Variants in MRTFA observed in about 807,000 individuals in gnomAD.
The protein encoded by MRTFA is myocardin-related transcription factor A.
MRTFA carries 20 observed loss-of-function variants against 83.5 expected under a neutral mutation model. The ratio of observed to expected loss-of-function variants is 0.24; its 90% confidence interval spans 0.17 to 0.35. The LOEUF (loss-of-function observed/expected upper bound fraction) is 0.35. MRTFA is among the 10% of genes least tolerant of loss of function. MRTFA has a pLI of 1.00. For synonymous variants in MRTFA, 659 were observed against 541.2 expected (o/e 1.22, Z -3.02); for missense variants, 1,200 against 1,224.7 (o/e 0.98, Z 0.30).
rs543904613 is a variant in MRTFA, at chr22:40,419,081, C to G, written c.1657G>C (p.Val553Leu). 2.5e-6 allele frequency: 4 copies of G among 1,605,216 alleles called. No individual in the cohort carries two copies. The African/African-American group carries it at 5.4e-5, about 22-fold the overall frequency. ...GAGCGCTCCGAGGGGGTGGGAGACA[C>G]GGGGGGCGTGGAGCCCGTGCTGCCA... Residue 553 changes from valine to leucine, a missense_variant, in exon 12 of 15, where the codon GTG becomes CTG. Transcript: ENST00000355630.
intron 3 of MRTFA, among the ~76,000 whole-genome samples, chr22:40,530,147 G>A (rs1405389415): frequency 1.3e-5 from 2 of 152,112 alleles, no homozygotes; most frequent in African/African-American, 2.4e-5. Flanking sequence ...ACACCTTAGG[G>A]CCTGTCTAGT....
Position 40,582,320 on chromosome 22 carries a change from T to C in MRTFA, c.-22+12354A>G, listed in dbSNP as rs57513512. On this transcript the variant is annotated intron_variant, in intron 2 of 14. Coordinates refer to ENST00000355630, the MANE Select transcript of MRTFA (RefSeq NM_020831.6). ...ACATTTTATTTATCCACTCATCAGC[T>C]GATGGGCATTTGGACTATTCCATGT... is the stretch of plus-strand genomic sequence containing the variant. Among the ~76,000 whole-genome samples the C allele has an allele frequency of 5.8e-3, 887 of 152,386 alleles. 9 individuals are homozygous for C. The highest frequency in any genetic ancestry group is 0.021 in the African/African-American group (863 of 41,600).
intron 4 of MRTFA, among the ~76,000 whole-genome samples, chr22:40,438,572 C>G (rs2053214800): frequency 6.6e-6 from 1 of 152,216 alleles, no homozygotes; most frequent in Admixed American, 6.5e-5. Context: ...GAAATGGCTA[C>G]AGCATACATA....
At chr22:40,575,309 GAATTT>G (rs922891676) in intron 2 of MRTFA, among the ~76,000 whole-genome samples, 8 of 150,042 alleles carry the variant, frequency 5.3e-5, no homozygotes, top group African/African-American at 1.2e-4. Context: ...AATATTTGTA[GAATTT>G]AATTAGTACC....
intron 1 of MRTFA, among the ~76,000 whole-genome samples, chr22:40,618,250 A>AT (rs1011885827): frequency 0.14 from 14,248 of 103,998 alleles, 849 homozygotes; most frequent in East Asian, 0.29. Flanking sequence ...AATTTTTTGT[A>AT]TTTTTTTTTT....
At chr22:40,517,974 G>A (rs998678170) in intron 3 of MRTFA, among the ~76,000 whole-genome samples, 6 of 152,098 alleles carry the variant, frequency 3.9e-5, no homozygotes, top group African/African-American at 1.4e-4. Context: ...AACCAAAAAG[G>A]ACAGGGTTTG....
At chr22:40,574,442 T>A (rs1569335582) in intron 2 of MRTFA, among the ~76,000 whole-genome samples, 2 of 149,240 alleles carry the variant, frequency 1.3e-5, no homozygotes, top group Non-Finnish European at 3.0e-5. Context: ...TTATTATTAT[T>A]TTTTTTTTTT....
chr22:40,614,440 T>C (rs2056425977), intron 1 of MRTFA, among the ~76,000 whole-genome samples: 2 of 151,846 alleles, frequency 1.3e-5, no homozygotes, highest in South Asian at 4.1e-4. Flanking sequence ...TATATTTCCC[T>C]TGCAATTATG....
chr22:40,469,904 C>T (rs1259046656), intron 3 of MRTFA, among the ~76,000 whole-genome samples: 2 of 151,806 alleles, frequency 1.3e-5, no homozygotes, highest in Non-Finnish European at 2.9e-5. Flanking sequence ...ATAGCAAGAC[C>T]CCCATCTCTA....
At chr22:40,465,904 A>C (rs1569281260) in intron 3 of MRTFA, among the ~76,000 whole-genome samples, 1 of 151,990 alleles carries the variant, frequency 6.6e-6, no homozygotes, top group Non-Finnish European at 1.5e-5. Flanking sequence ...CGAGAAGCAA[A>C]GTGAGGCCCA....
intron 1 of MRTFA, among the ~76,000 whole-genome samples, chr22:40,598,767 C>T (rs2056221896): frequency 6.7e-6 from 1 of 150,154 alleles, no homozygotes; most frequent in African/African-American, 2.5e-5. Flanking sequence ...CTGAGGAGGG[C>T]GAATTACCTG....
At chr22:40,609,125 T>C (rs1269676865) in intron 1 of MRTFA, among the ~76,000 whole-genome samples, 2 of 151,942 alleles carry the variant, frequency 1.3e-5, no homozygotes, top group African/African-American at 2.4e-5. Context: ...ACCCCATTTC[T>C]ACTAAAATAC....
intron 2 of MRTFA, among the ~76,000 whole-genome samples, chr22:40,558,209 A>G (rs1356045195): frequency 6.9e-6 from 1 of 144,358 alleles, no homozygotes; most frequent in Non-Finnish European, 1.5e-5. Context: ...CATCAGTCCC[A>G]CAAGTAGCTA....
At chr22:40,627,168 A>G (rs1490272018) in intron 1 of MRTFA, among the ~76,000 whole-genome samples, 3 of 152,036 alleles carry the variant, frequency 2.0e-5, no homozygotes, top group Non-Finnish European at 4.4e-5. Context: ...TTTGTTTCTG[A>G]GACAGTCTCA....
intron 3 of MRTFA, among the ~76,000 whole-genome samples, chr22:40,549,809 T>TG (rs1569323567): frequency 1.3e-5 from 2 of 152,150 alleles, no homozygotes; most frequent in Non-Finnish European, 2.9e-5. Context: ...CCCAGCACTT[T>TG]GGGGGGCCAA....
In MRTFA at chr22:40,413,506, A is replaced by C. The variant is rs1274487936; in HGVS notation, c.2579-1599T>G. ...GCCACCATGCCTGGCTAATTTTTTC[A>C]CCATGTTGGTCAGGCTGGTCTCGAA... On this transcript the variant is annotated intron_variant, in intron 14 of 14. Coordinates refer to ENST00000355630, the MANE Select transcript of MRTFA (RefSeq NM_020831.6). Among the ~76,000 whole-genome samples, 3 of 151,830 alleles carry C rather than the reference A, an allele frequency of 2.0e-5. No homozygotes were observed. In the South Asian group the frequency reaches 6.3e-4, roughly 32 times the overall value.
In MRTFA at chr22:40,533,445, A is replaced by C. The variant is rs1602395117; in HGVS notation, c.241+18661T>G. 2.1e-5 allele frequency: 9 copies of C among 422,510 alleles called. No homozygotes were observed. The East Asian group carries it at 3.2e-4, about 15-fold the overall frequency. The allele number at this position is 422,510 out of a possible 1,614,324, so 26.2% of individuals were successfully genotyped here. On this transcript the variant is annotated intron_variant, in intron 3 of 14. Coordinates refer to ENST00000355630, the MANE Select transcript of MRTFA (RefSeq NM_020831.6). ...TGCAATGAGAGAAAAATTAATAAAA[A>C]ACTGAAAATGCAGTACATTTCTTCC... is the stretch of plus-strand genomic sequence containing the variant.
intron 2 of MRTFA, among the ~76,000 whole-genome samples, chr22:40,566,411 G>A (rs552897078): frequency 1.3e-5 from 2 of 152,040 alleles, no homozygotes; most frequent in East Asian, 2.0e-4. Flanking sequence ...TAGTAGAGAC[G>A]GGCTTTCACC....
chr22:40,528,774 C>T (rs2147272059), intron 3 of MRTFA, among the ~76,000 whole-genome samples: 1 of 150,090 alleles, frequency 6.7e-6, no homozygotes, highest in East Asian at 1.9e-4. Context: ...TTTTTAAAGG[C>T]TACATTAATA....
Sources: gnomAD v4.1 joint callset for allele counts (sites outside exome capture counted in the v4.1 genomes callset) on GRCh38, gnomAD v4.1.1 for gene constraint, MANE v1.5 for transcripts, NCBI Gene and HGNC (gene_info 2026-07-23, HGNC 2026-07-21) for gene names.